The following ADGRE1 variants were observed in gnomAD, a reference collection of about 807,000 sequenced individuals.
ADGRE1 encodes EGF-like module receptor 1.
A neutral mutation model predicts 102.7 loss-of-function variants in ADGRE1; 82 were observed. The observed-to-expected ratio is 0.80, with a 90% confidence interval of 0.67 to 0.96. The LOEUF (loss-of-function observed/expected upper bound fraction) is 0.96, where lower values mean the gene tolerates loss of function less well. Ranked by LOEUF, ADGRE1 falls within the 40% of genes least tolerant of loss-of-function variation. The pLI is 0.00. For missense variants in ADGRE1, 1,032 were observed against 1,085.3 expected (o/e 0.95, Z 0.69); for synonymous variants, 398 against 399.6 (o/e 1.00, Z 0.05).
At chr19:6,901,638 G>A (rs879624491) in intron 5 of ADGRE1, among the ~76,000 whole-genome samples, 9 of 152,128 alleles carry the variant, frequency 5.9e-5, no homozygotes, top group Admixed American at 5.2e-4. Context: ...GAAACTATTT[G>A]CCACCCTTCT....
chr19:6,889,909 T>G (rs1219094316), intron 1 of ADGRE1, among the ~76,000 whole-genome samples: 2 of 152,158 alleles, frequency 1.3e-5, no homozygotes, highest in Non-Finnish European at 2.9e-5. Context: ...CTTTAATGTA[T>G]GTTTTTGAAA....
intron 4 of ADGRE1, 34 bp downstream of exon 4, chr19:6,897,338 G>C (rs747471873): frequency 5.0e-6 from 8 of 1,612,538 alleles, no homozygotes; most frequent in Non-Finnish European, 5.9e-6. Context: ...ATGGGTCTTG[G>C]GTGGATATCT....
chr19:6,910,167 TA>T (rs947057466), intron 10 of ADGRE1, among the ~76,000 whole-genome samples: 7 of 152,148 alleles, frequency 4.6e-5, no homozygotes, highest in African/African-American at 1.7e-4. Context: ...TTAATACATT[TA>T]TTTTTATTCA....
intron 12 of ADGRE1, among the ~76,000 whole-genome samples, chr19:6,916,746 AT>A (rs1373652613): frequency 6.6e-6 from 1 of 151,350 alleles, no homozygotes; most frequent in African/African-American, 2.4e-5. Flanking sequence ...TAATTTAAAA[AT>A]AAAAAATATT....
chr19:6,903,705 G>T, intron 6 of ADGRE1, 105 bp from the exon 7 acceptor site: 1 of 1,459,476 alleles, frequency 6.9e-7, no homozygotes. Context: ...TCCCTGGCTG[G>T]GACACCATTT....
rs370223242 is a variant in ADGRE1, at chr19:6,933,092, G to C, written c.2290-1895G>C. The stretch of plus-strand genomic sequence containing the variant: ...AAAATTTAGCCAGGTGTGGTGGCCC[G>C]CGCCTGTAATCCCAGCTACTCAGGA... On this transcript the variant is annotated intron_variant, in intron 17 of 20. Coordinates refer to ENST00000312053, the MANE Select transcript of ADGRE1 (RefSeq NM_001974.5). Among the ~76,000 whole-genome samples, 32 of 151,990 alleles carry C rather than the reference G, an allele frequency of 2.1e-4. No individual in the cohort carries two copies. The East Asian group carries it at 3.5e-3, about 17-fold the overall frequency.
At chr19:6,907,707 C>T (rs531168610) in intron 9 of ADGRE1, among the ~76,000 whole-genome samples, 1 of 152,276 alleles carries the variant, frequency 6.6e-6, no homozygotes, top group South Asian at 2.1e-4. Context: ...CCATGGCAAA[C>T]ACTAATCAGC....
intron 14 of ADGRE1, among the ~76,000 whole-genome samples, chr19:6,923,052 G>C (rs1367017361): frequency 6.6e-6 from 1 of 151,918 alleles, no homozygotes; most frequent in East Asian, 1.9e-4. Flanking sequence ...ACTCCAGCCT[G>C]GGTGACAGAA....
intron 8 of ADGRE1, among the ~76,000 whole-genome samples, chr19:6,905,646 C>T (rs546420176): frequency 1.8e-4 from 27 of 152,068 alleles, no homozygotes; most frequent in South Asian, 1.0e-3. Context: ...CCACCGTGCC[C>T]GGCCAACCTT....
In ADGRE1 at chr19:6,937,388, A is replaced by G. The variant is rs1340968002; in HGVS notation, c.2527A>G (p.Ile843Val). 6.2e-7 allele frequency: 1 copy of G among 1,613,276 alleles called. No individual in the cohort carries two copies. Among genetic ancestry groups the G allele is most frequent in the Non-Finnish European group, 8.5e-7 (1 of 1,179,832 alleles). ...CCTGCAGGGGGCCTTCATCTTCCTCATCCACTGTCTGCTCAACGGCCAGGT... is the reference window on the plus strand; with the variant it reads ...CCTGCAGGGGGCCTTCATCTTCCTCGTCCACTGTCTGCTCAACGGCCAGGT... ...NSLQGAFIFL[I>V]HCLLNGQVRE... Residue 843 changes from isoleucine to valine, a missense_variant, in exon 19 of 21, where the codon ATC (isoleucine) becomes GTC (valine). Ile to Val is a conservative substitution (Grantham distance 29). Transcript: ENST00000312053.
At chr19:6,915,240 T>C (rs1018423314) in intron 11 of ADGRE1, among the ~76,000 whole-genome samples, 1 of 152,080 alleles carries the variant, frequency 6.6e-6, no homozygotes, top group African/African-American at 2.4e-5. Context: ...ACTTCTGAGC[T>C]CAAGTGATCC....
chr19:6,913,854 G>C (rs369404564), intron 11 of ADGRE1, 24 bp downstream of exon 11: 1 of 1,533,606 alleles, frequency 6.5e-7, no homozygotes, highest in East Asian at 2.4e-5. Context: ...TTTGTGGCAA[G>C]GTTACACCTA....
chr19:6,913,525 C>T, intron 10 of ADGRE1, 128 bp from the exon 11 acceptor site: 1 of 818,500 alleles, frequency 1.2e-6, no homozygotes, highest in Non-Finnish European at 1.7e-6. Context: ...AAAAAGGAGC[C>T]CGAGTGGATG....
chr19:6,890,482 ATGT>A lies in ADGRE1; in HGVS notation c.37_39del (p.Cys13del). The A allele has an allele frequency of 7.0e-7, 1 of 1,420,566 alleles. No individual in the cohort carries two copies. The highest frequency in any genetic ancestry group is 9.5e-7 in the Non-Finnish European group (1 of 1,053,162). 88.0% of individuals were successfully genotyped at this position (1,420,566 alleles called of 1,614,324 possible). A position where few individuals can be genotyped will look rare whatever the true frequency, so the allele number is the denominator to read the frequency against. On this transcript the variant is annotated inframe_deletion and splice_region_variant, in exon 2 of 21. Transcript: ENST00000312053. ...TGTTTTTCTTTTCTTTCTTCACAGG[ATGT>A]TGTGTTATGCACAGCTGGGAAGGGC...
At position 6,913,644 on chromosome 19, in the gene ADGRE1, T is replaced by C; in HGVS notation, c.1123-9T>C. On this transcript the variant is annotated splice_polypyrimidine_tract_variant and intron_variant, in intron 10 of 20. Coordinates refer to ENST00000312053, the MANE Select transcript of ADGRE1 (RefSeq NM_001974.5). ...GAGAGAGAATGAACAAACACATCTT[T>C]CCTTGCAGAATACAACTGAGAGCTT... 6.4e-7 allele frequency: 1 copy of C among 1,570,600 alleles called. No individual in the cohort carries two copies.
chr19:6,901,542 T>A (rs1437091435), intron 5 of ADGRE1, among the ~76,000 whole-genome samples: 1 of 152,204 alleles, frequency 6.6e-6, no homozygotes, highest in African/African-American at 2.4e-5. Flanking sequence ...TAAAGTCACA[T>A]CTCTTACAAT....
At chr19:6,910,108 G>A (rs528767505) in intron 10 of ADGRE1, among the ~76,000 whole-genome samples, 1 of 151,948 alleles carries the variant, frequency 6.6e-6, no homozygotes, top group South Asian at 2.1e-4. Flanking sequence ...GGTTATTTTT[G>A]TATGAAAATA....
At chr19:6,888,455 TC>T (rs1973226892) in intron 1 of ADGRE1, among the ~76,000 whole-genome samples, 1 of 152,180 alleles carries the variant, frequency 6.6e-6, no homozygotes, top group Admixed American at 6.5e-5. Flanking sequence ...TTCTTCTATG[TC>T]TTGTGTGTTT....
chr19:6,893,412 G>C (rs1973444901), intron 2 of ADGRE1, among the ~76,000 whole-genome samples: 2 of 152,056 alleles, frequency 1.3e-5, no homozygotes, highest in Non-Finnish European at 2.9e-5. Context: ...TGTTGGTCAG[G>C]CTGGTCTCGA....
Sources: gnomAD v4.1 joint callset for allele counts (sites outside exome capture counted in the v4.1 genomes callset) on GRCh38, gnomAD v4.1.1 for gene constraint, MANE v1.5 for transcripts, NCBI Gene and HGNC (gene_info 2026-07-23, HGNC 2026-07-21) for gene names.